BRINP3: variants seen among roughly 807,000 people sequenced by gnomAD.
The protein encoded by BRINP3 is BMP/retinoic acid-inducible neural-specific protein 3.
BRINP3 carries 19 observed loss-of-function variants against 71.0 expected under a neutral mutation model. The ratio of observed to expected loss-of-function variants is 0.27; its 90% confidence interval spans 0.19 to 0.39. BRINP3 has a LOEUF of 0.39. Among genes scored for constraint, BRINP3 ranks in the 10% least tolerant of loss-of-function variants. The probability of loss-of-function intolerance (pLI) is 1.00; values close to 1 mark genes in which losing one functional copy is unlikely to be tolerated. For synonymous variants in BRINP3, 380 were observed against 337.7 expected, an observed-to-expected ratio of 1.13 and a Z score of -1.37; for missense variants, 959 against 940.8, an observed-to-expected ratio of 1.02 and a Z score of -0.25.
chr1:190,098,800 G>A lies in BRINP3; in HGVS notation c.1519C>T (p.Arg507Ter). The A allele has an allele frequency of 6.2e-7, 1 of 1,614,200 alleles. No individual in the cohort carries two copies. The highest frequency in any genetic ancestry group is 1.1e-5 in the South Asian group (1 of 91,088). Residue 507 changes from arginine to a stop codon, truncating the protein, a stop_gained, in exon 8 of 8, where the codon CGA (arginine) becomes TGA (stop). Coordinates refer to ENST00000367462, the MANE Select transcript of BRINP3 (RefSeq NM_199051.3). LOFTEE classifies it high-confidence loss of function. ...MKYLLQKTDR[R>*]IEVHAIFISN... is the part of the protein sequence containing the mutation. ...ATAAAAATGGCATGGACTTCTATTCGTCTGTCCGTTTTCTGCAGCAGATAT... is the reference window on the plus strand; with the variant it reads ...ATAAAAATGGCATGGACTTCTATTCATCTGTCCGTTTTCTGCAGCAGATAT...
rs543225118 is a variant in BRINP3, at chr1:190,291,891, C to T, written c.237-10141G>A. ...CACAGTAGCCAAGACATAGACCCAA[C>T]CTGTGACCATTGGTGAAAGAATGGA... On this transcript the variant is annotated intron_variant, in intron 2 of 7. Coordinates refer to ENST00000367462, the MANE Select transcript of BRINP3 (RefSeq NM_199051.3). Among the ~76,000 whole-genome samples, 15 of 152,236 alleles carry T rather than the reference C, an allele frequency of 9.9e-5. No individual in the cohort carries two copies. In the East Asian group the frequency reaches 1.5e-3, roughly 16 times the overall value.
At chr1:190,137,376 A>G (rs1201461239) in intron 7 of BRINP3, among the ~76,000 whole-genome samples, 3 of 151,986 alleles carry the variant, frequency 2.0e-5, no homozygotes, top group African/African-American at 4.8e-5. Context: ...GCAGGGAGCT[A>G]TATCCCAACT....
At chr1:190,167,024 C>T (rs1377180713) in intron 6 of BRINP3, among the ~76,000 whole-genome samples, 4 of 152,028 alleles carry the variant, frequency 2.6e-5, no homozygotes, top group Non-Finnish European at 5.9e-5. Context: ...CGCGCCGGGC[C>T]TATGAAATTT....
intron 7 of BRINP3, among the ~76,000 whole-genome samples, chr1:190,148,135 T>C (rs1046436972): frequency 6.6e-6 from 1 of 152,172 alleles, no homozygotes; most frequent in Non-Finnish European, 1.5e-5. Context: ...TTCTATTTTA[T>C]ATATTTTGCT....
chr1:190,433,278 A>G (rs945496940), intron 2 of BRINP3, among the ~76,000 whole-genome samples: 4 of 152,198 alleles, frequency 2.6e-5, no homozygotes, highest in Admixed American at 6.5e-5. Context: ...AGATCAATCA[A>G]TTATACTCTG....
At chr1:190,113,814 G>T (rs960054168) in intron 7 of BRINP3, among the ~76,000 whole-genome samples, 4 of 152,070 alleles carry the variant, frequency 2.6e-5, no homozygotes, top group Non-Finnish European at 5.9e-5. Context: ...TCCATGGTTT[G>T]GGGACTCCAA....
intron 2 of BRINP3, among the ~76,000 whole-genome samples, chr1:190,313,695 C>A (rs1235242724): frequency 6.6e-6 from 1 of 151,884 alleles, no homozygotes; most frequent in East Asian, 1.9e-4. Context: ...CAAAACAACC[C>A]TTGAGATAGC....
intron 6 of BRINP3, among the ~76,000 whole-genome samples, chr1:190,205,981 C>G (rs556688492): frequency 2.0e-5 from 3 of 152,020 alleles, no homozygotes; most frequent in Admixed American, 1.3e-4. Flanking sequence ...ATAATCACCT[C>G]GTGCAGAACA....
At position 190,198,941 on chromosome 1, in the gene BRINP3, AC is replaced by A. The variant is rs541745926; in HGVS notation, c.961+27140del. ...CACCAATTTACTGTGTTACTCTGTTACCACACTGCTAATAAAGACATACTAG... is the reference window on the plus strand; with the variant it reads ...CACCAATTTACTGTGTTACTCTGTTACACACTGCTAATAAAGACATACTAG... On this transcript the variant is annotated intron_variant, in intron 6 of 7. Transcript: ENST00000367462. Among the ~76,000 whole-genome samples, 422 of 152,240 alleles carry A rather than the reference AC, an allele frequency of 2.8e-3. 1 individual carries two copies. The highest frequency in any genetic ancestry group is 3.8e-3 in the Non-Finnish European group (257 of 68,004).
intron 2 of BRINP3, among the ~76,000 whole-genome samples, chr1:190,443,687 A>G (rs928629136): frequency 6.6e-6 from 1 of 152,028 alleles, no homozygotes; most frequent in Non-Finnish European, 1.5e-5. Context: ...TTGCCAAACC[A>G]ATGTCTGTTA....
intron 6 of BRINP3, among the ~76,000 whole-genome samples, chr1:190,171,235 A>G (rs576292056): frequency 1.3e-5 from 2 of 152,238 alleles, no homozygotes; most frequent in East Asian, 3.9e-4. Context: ...TACATGCACA[A>G]GCATATTGCT....
In BRINP3 at chr1:190,393,162, T is replaced by G. The variant is rs895727895; in HGVS notation, c.236+61493A>C. Among the ~76,000 whole-genome samples the G allele has an allele frequency of 4.0e-5, 6 of 151,684 alleles. No homozygotes were observed. The Admixed American group carries it at 4.0e-4, about 10-fold the overall frequency. On this transcript the variant is annotated intron_variant, in intron 2 of 7. Coordinates refer to ENST00000367462, the MANE Select transcript of BRINP3 (RefSeq NM_199051.3). ...GAAGGACTCTGGCAAACATTACATA[T>G]GCATAACATATATTAAGCACACATT...
At chr1:190,269,240 G>A (rs963535000) in intron 3 of BRINP3, among the ~76,000 whole-genome samples, 9 of 152,004 alleles carry the variant, frequency 5.9e-5, no homozygotes, top group African/African-American at 2.2e-4. Context: ...CACCTAAATA[G>A]CAATTTGGAA....
At chr1:190,360,020 C>T (rs1055993488) in intron 2 of BRINP3, among the ~76,000 whole-genome samples, 1 of 152,086 alleles carries the variant, frequency 6.6e-6, no homozygotes. Context: ...TCACTTCAGG[C>T]TATAAAGGAT....
intron 7 of BRINP3, among the ~76,000 whole-genome samples, chr1:190,127,516 A>T (rs1275326771): frequency 6.6e-6 from 1 of 151,864 alleles, no homozygotes; most frequent in African/African-American, 2.4e-5. Context: ...GAATATACAG[A>T]CTTTCTAAAA....
chr1:190,466,970 C>CAAA (rs1277131264), intron 1 of BRINP3, among the ~76,000 whole-genome samples: 1 of 151,398 alleles, frequency 6.6e-6, no homozygotes, highest in Admixed American at 6.6e-5. Context: ...ACACAACGAA[C>CAAA]ACAACAACAC....
chr1:190,152,598 T>C (rs1656509016), intron 7 of BRINP3, among the ~76,000 whole-genome samples: 1 of 123,948 alleles, frequency 8.1e-6, no homozygotes, highest in Admixed American at 1.0e-4. Flanking sequence ...ATCAGCTATC[T>C]AAAAAAAGTG....
At chr1:190,134,672 C>T (rs1287240969) in intron 7 of BRINP3, among the ~76,000 whole-genome samples, 2 of 152,112 alleles carry the variant, frequency 1.3e-5, no homozygotes, top group African/African-American at 4.8e-5. Context: ...TGAGGGACTT[C>T]AGTTTTATTC....
chr1:190,460,019 A>G lies in BRINP3; in HGVS notation c.-50-5079T>C, dbSNP rs530683799. On this transcript the variant is annotated intron_variant, in intron 1 of 7. Transcript: ENST00000367462. ...ATAAAGAAAATTGGCTGATTTGCCCAATGTCTGCAACCATTCTCTAAATTT... is the reference window on the plus strand; with the variant it reads ...ATAAAGAAAATTGGCTGATTTGCCCGATGTCTGCAACCATTCTCTAAATTT... Among the ~76,000 whole-genome samples, 10 of 152,070 alleles carry G rather than the reference A, an allele frequency of 6.6e-5. No homozygotes were observed. In the East Asian group the frequency reaches 1.5e-3, roughly 23 times the overall value.
Sources: allele counts gnomAD v4.1 joint callset (sites outside exome capture counted in the v4.1 genomes callset), GRCh38; gene constraint gnomAD v4.1.1; transcripts MANE v1.5; gene names NCBI Gene and HGNC (gene_info 2026-07-23, HGNC 2026-07-21).